The following PRMT3 variants were observed in gnomAD, a reference collection of about 807,000 sequenced individuals.
PRMT3 encodes the protein protein arginine N-methyltransferase 3.
Under a neutral mutation model 71.9 loss-of-function variants are expected in PRMT3, and 62 were observed. The ratio of observed to expected loss-of-function variants is 0.86; its 90% confidence interval spans 0.70 to 1.07. The LOEUF is 1.07. PRMT3 is among the 50% of genes least tolerant of loss of function. The pLI, the probability that PRMT3 is intolerant of heterozygous loss-of-function variation, is 0.00. For missense variants in PRMT3, 663 were observed against 643.0 expected (o/e 1.03, Z -0.34); for synonymous variants, 213 against 220.4 (o/e 0.97, Z 0.30).
chr11:20,493,599 G>A (rs1485910245), intron 13 of PRMT3, among the ~76,000 whole-genome samples: 1 of 152,062 alleles, frequency 6.6e-6, no homozygotes, highest in Non-Finnish European at 1.5e-5. Flanking sequence ...GTTGGCGAGT[G>A]AGGATCAGTG....
At chr11:20,395,046 G>C (rs1281555847) in intron 5 of PRMT3, among the ~76,000 whole-genome samples, 3 of 152,078 alleles carry the variant, frequency 2.0e-5, no homozygotes, top group Non-Finnish European at 2.9e-5. Flanking sequence ...TATAACTTTA[G>C]GATAGTCACT....
At chr11:20,394,527 T>G (rs1848784419) in intron 5 of PRMT3, among the ~76,000 whole-genome samples, 1 of 152,188 alleles carries the variant, frequency 6.6e-6, no homozygotes, top group Non-Finnish European at 1.5e-5. Context: ...TGATTTGATA[T>G]GCATATACAT....
At chr11:20,441,392 G>A (rs1441690008) in intron 10 of PRMT3, among the ~76,000 whole-genome samples, 6 of 151,682 alleles carry the variant, frequency 4.0e-5, no homozygotes, top group Admixed American at 6.6e-5. Context: ...TGCAAGCTCC[G>A]CCTCCCGGGT....
rs1292281934 is a variant in PRMT3 at position 20,509,269 on chromosome 11, T to G, written c.*856T>G. 6.2e-5 allele frequency: 3 copies of G among 48,112 alleles called. No individual in the cohort carries two copies. Among genetic ancestry groups the G allele is most frequent in the Non-Finnish European group, 1.3e-4 (1 of 7,942 alleles). 3.0% of individuals were successfully genotyped at this position (48,112 alleles called of 1,614,324 possible). ...TAGAATAAAATTTTAATAAAATGTATCAACTTATAAAATATTTTAAAAATA... is the reference window on the plus strand; with the variant it reads ...TAGAATAAAATTTTAATAAAATGTAGCAACTTATAAAATATTTTAAAAATA... On this transcript the variant is annotated 3_prime_UTR_variant, in exon 16 of 16. Coordinates refer to ENST00000331079, the MANE Select transcript of PRMT3 (RefSeq NM_005788.4).
At chr11:20,498,850 G>C (rs1396949569) in intron 15 of PRMT3, among the ~76,000 whole-genome samples, 1 of 152,184 alleles carries the variant, frequency 6.6e-6, no homozygotes, top group Non-Finnish European at 1.5e-5. Context: ...GTTCTTTAAT[G>C]AAACTAAATG....
At chr11:20,468,525 C>T (rs1850567526) in intron 13 of PRMT3, among the ~76,000 whole-genome samples, 2 of 152,070 alleles carry the variant, frequency 1.3e-5, no homozygotes, top group South Asian at 4.1e-4. Flanking sequence ...TGCGCCACCA[C>T]AGCCGGCTAA....
At chr11:20,456,936 C>T (rs1242298498) in intron 11 of PRMT3, among the ~76,000 whole-genome samples, 6 of 152,056 alleles carry the variant, frequency 3.9e-5, no homozygotes, top group African/African-American at 1.4e-4. Flanking sequence ...TGCAGTGGCA[C>T]GATCTTGGCT....
intron 13 of PRMT3, among the ~76,000 whole-genome samples, chr11:20,465,412 A>G (rs1266357556): frequency 1.3e-5 from 2 of 151,980 alleles, no homozygotes; most frequent in Admixed American, 1.3e-4. Flanking sequence ...AGAAGTTTAC[A>G]TTTTTATGGA....
At chr11:20,493,509 TTTCA>T (rs1490693726) in intron 13 of PRMT3, among the ~76,000 whole-genome samples, 3 of 152,234 alleles carry the variant, frequency 2.0e-5, no homozygotes, top group Admixed American at 6.5e-5. Flanking sequence ...TCCTGGCATC[TTTCA>T]TGCCGCTGCA....
intron 13 of PRMT3, among the ~76,000 whole-genome samples, chr11:20,473,197 T>A (rs1330281986): frequency 6.6e-6 from 1 of 152,142 alleles, no homozygotes; most frequent in Non-Finnish European, 1.5e-5. Context: ...GATTCTTTGA[T>A]GTTTTGAAGG....
At chr11:20,441,651 T>G (rs967250455) in intron 10 of PRMT3, among the ~76,000 whole-genome samples, 2 of 152,036 alleles carry the variant, frequency 1.3e-5, no homozygotes, top group African/African-American at 4.8e-5. Flanking sequence ...TCTACACTCA[T>G]ATTTTCCGTG....
intron 13 of PRMT3, among the ~76,000 whole-genome samples, chr11:20,489,137 G>GT (rs943813523): frequency 5.3e-5 from 8 of 151,952 alleles, no homozygotes; most frequent in Non-Finnish European, 1.2e-4. Context: ...TTCTATCATT[G>GT]TTTTTGTTTT....
intron 9 of PRMT3, among the ~76,000 whole-genome samples, chr11:20,422,617 G>T (rs1590052915): frequency 6.6e-6 from 1 of 152,092 alleles, no homozygotes; most frequent in East Asian, 1.9e-4. Context: ...ACCGAGGTTA[G>T]GTAGGCAAAC....
chr11:20,502,545 T>A (rs1851482615), intron 15 of PRMT3, among the ~76,000 whole-genome samples: 1 of 152,236 alleles, frequency 6.6e-6, no homozygotes, highest in Non-Finnish European at 1.5e-5. Context: ...TTGTGAAAAA[T>A]TAACAAATAT....
In PRMT3 at chr11:20,462,117, G is replaced by C. The variant is rs765101461; in HGVS notation, c.1210G>C (p.Val404Leu). The C allele has an allele frequency of 1.9e-6, 3 of 1,612,934 alleles. No individual in the cohort carries two copies. Among genetic ancestry groups the C allele is most frequent in the Non-Finnish European group, 2.5e-6 (3 of 1,179,310 alleles). ...MKKAVIPEAV[V>L]EVLDPKTLIS... ...GAAAGCAGTTATTCCAGAAGCTGTTGTGGAAGTTTTAGATCCGAAGACTCT... is the reference window on the plus strand; with the variant it reads ...GAAAGCAGTTATTCCAGAAGCTGTTCTGGAAGTTTTAGATCCGAAGACTCT... The change falls in exon 12 of 16, where the codon GTG becomes CTG. Residue 404 changes from valine to leucine, a missense_variant. Coordinates refer to ENST00000331079, the MANE Select transcript of PRMT3 (RefSeq NM_005788.4).
At chr11:20,399,731 T>C (rs940669485) in intron 7 of PRMT3, among the ~76,000 whole-genome samples, 8 of 152,194 alleles carry the variant, frequency 5.3e-5, no homozygotes, top group Non-Finnish European at 8.8e-5. Flanking sequence ...GAAATTCAGT[T>C]TGAGTACTTA....
At chr11:20,483,847 T>A (rs7948220) in intron 13 of PRMT3, among the ~76,000 whole-genome samples, 148,132 of 152,278 alleles carry the variant, frequency 0.97, 72,372 homozygotes, top group Middle Eastern at 1. Flanking sequence ...TGGCTTCTTC[T>A]TGAAAGCCTT....
intron 10 of PRMT3, among the ~76,000 whole-genome samples, chr11:20,436,870 T>C (rs1283063560): frequency 6.6e-6 from 1 of 152,162 alleles, no homozygotes; most frequent in African/African-American, 2.4e-5. Flanking sequence ...GTTAGTTCTT[T>C]AAGGGTTTGG....
At chr11:20,400,648 A>G (rs2133310053) in intron 7 of PRMT3, among the ~76,000 whole-genome samples, 1 of 152,222 alleles carries the variant, frequency 6.6e-6, no homozygotes, top group Non-Finnish European at 1.5e-5. Context: ...CACCTTTATG[A>G]GCTTGTAAAT....
Sources: allele counts gnomAD v4.1 joint callset (sites outside exome capture counted in the v4.1 genomes callset), GRCh38; gene constraint gnomAD v4.1.1; transcripts MANE v1.5; gene names NCBI Gene and HGNC (gene_info 2026-07-23, HGNC 2026-07-21).